The following TSHZ2 variants were observed in gnomAD, a reference collection of about 807,000 sequenced individuals.
TSHZ2 encodes the protein teashirt zinc finger homeobox 2, also known as teashirt homolog 2.
A neutral mutation model predicts 74.4 loss-of-function variants in TSHZ2; 21 were observed. That is an observed-to-expected ratio of 0.28 (90% CI 0.20 to 0.41). TSHZ2 has a LOEUF of 0.41. Ranked by LOEUF, TSHZ2 falls within the 10% of genes least tolerant of loss-of-function variation. The pLI, the probability that TSHZ2 is intolerant of heterozygous loss-of-function variation, is 1.00. For missense variants in TSHZ2, 1,244 were observed against 1,293.5 expected (o/e 0.96, Z 0.59); for synonymous variants, 540 against 515.3 (o/e 1.05, Z -0.65).
At chr20:53,231,132 A>G (rs1360167903) in intron 1 of TSHZ2, among the ~76,000 whole-genome samples, 1 of 152,122 alleles carries the variant, frequency 6.6e-6, no homozygotes, top group African/African-American at 2.4e-5. Context: ...GAAGAAGCTT[A>G]TTTTCTGCAA....
At chr20:53,092,064 C>T (rs1276157996) in intron 1 of TSHZ2, among the ~76,000 whole-genome samples, 2 of 151,926 alleles carry the variant, frequency 1.3e-5, no homozygotes, top group Non-Finnish European at 2.9e-5. Context: ...AACAACAAAA[C>T]CGATGCTTTT....
chr20:52,998,650 T>C (rs1210116799), intron 1 of TSHZ2, among the ~76,000 whole-genome samples: 1 of 152,196 alleles, frequency 6.6e-6, no homozygotes, highest in Non-Finnish European at 1.5e-5. Flanking sequence ...TACAATTCTA[T>C]GATTCTTGGT....
rs1442071092 is a variant in TSHZ2, at chr20:53,373,175, G to T, written c.*9-113969G>T. On this transcript the variant is annotated intron_variant, in intron 2 of 2. Coordinates refer to ENST00000371497, the MANE Select transcript of TSHZ2 (RefSeq NM_173485.6). The stretch of plus-strand genomic sequence containing the variant: ...AAAAATAAGGAGATTAGATAATGAC[G>T]CAATTAGAGTCCATTTCTATGGTTT... 3.9e-5 allele frequency among the ~76,000 whole-genome samples: 6 copies of T among 152,142 alleles called. No homozygotes were observed. The East Asian group carries it at 7.7e-4, about 20-fold the overall frequency.
At chr20:53,434,927 T>G (rs1983989946) in intron 2 of TSHZ2, among the ~76,000 whole-genome samples, 1 of 152,246 alleles carries the variant, frequency 6.6e-6, no homozygotes. Context: ...CTGGTCTGCC[T>G]AAATCCACTC....
At chr20:53,343,659 A>T (rs949339151) in intron 2 of TSHZ2, among the ~76,000 whole-genome samples, 1 of 152,182 alleles carries the variant, frequency 6.6e-6, no homozygotes, top group Admixed American at 6.5e-5. Context: ...ACTGACAAGG[A>T]AGCTGGAAGG....
rs184862730 is a variant in TSHZ2, at chr20:53,341,496, T to C, written c.*8+84925T>C. Among the ~76,000 whole-genome samples the C allele has an allele frequency of 2.6e-5, 4 of 152,126 alleles. No homozygotes were observed. In the East Asian group the frequency reaches 5.8e-4, roughly 22 times the overall value. Reference sequence around the variant, plus strand: ...CTCTTTCTGTCTTTTTTCTTTATTTTTTTTTTTAATAGAGATGGGGTCCTT... The same window carrying C: ...CTCTTTCTGTCTTTTTTCTTTATTTCTTTTTTTAATAGAGATGGGGTCCTT... On this transcript the variant is annotated intron_variant, in intron 2 of 2. Transcript: ENST00000371497.
intron 1 of TSHZ2, among the ~76,000 whole-genome samples, chr20:53,230,292 A>G (rs893273536): frequency 4.6e-5 from 7 of 152,214 alleles, no homozygotes; most frequent in African/African-American, 1.4e-4. Context: ...TTATGATTGG[A>G]TCATTTCCCC....
intron 1 of TSHZ2, among the ~76,000 whole-genome samples, chr20:53,004,348 A>C (rs1032973465): frequency 5.3e-5 from 8 of 152,164 alleles, no homozygotes; most frequent in African/African-American, 1.9e-4. Context: ...AGTGAAGACA[A>C]ACTGATTCCC....
At chr20:53,458,938 C>A (rs372721745) in intron 2 of TSHZ2, among the ~76,000 whole-genome samples, 1 of 152,090 alleles carries the variant, frequency 6.6e-6, no homozygotes, top group Non-Finnish European at 1.5e-5. Context: ...TAGTTTGTTA[C>A]AATTTCTGTT....
chr20:53,327,436 C>T (rs1600812419), intron 2 of TSHZ2, among the ~76,000 whole-genome samples: 1 of 152,212 alleles, frequency 6.6e-6, no homozygotes, highest in Middle Eastern at 3.4e-3. Context: ...TTGCAGTGAG[C>T]CAAAATGGCG....
At position 53,433,562 on chromosome 20, in the gene TSHZ2, AACACAGAC is replaced by A. The variant is rs1192720657; in HGVS notation, c.*9-53560_*9-53553del. ...TCTATAAAAAGAAGCAGAACAAACC[AACACAGAC>A]ACACAGACACACAGACACACACACA... On this transcript the variant is annotated intron_variant, in intron 2 of 2. Transcript: ENST00000371497. Among the ~76,000 whole-genome samples, 606 of 113,346 alleles carry A rather than the reference AACACAGAC, an allele frequency of 5.3e-3. 4 individuals carry two copies. The highest frequency in any genetic ancestry group is 0.018 in the African/African-American group (529 of 29,218). 74.4% of individuals were successfully genotyped at this position (113,346 alleles called of 152,430 possible).
intron 1 of TSHZ2, among the ~76,000 whole-genome samples, chr20:53,247,613 C>T (rs1990237430): frequency 6.6e-6 from 1 of 152,212 alleles, no homozygotes; most frequent in South Asian, 2.1e-4. Context: ...AGCTCTCATT[C>T]CGAGTCATCA....
At chr20:53,388,597 T>C (rs913620485) in intron 2 of TSHZ2, among the ~76,000 whole-genome samples, 1 of 151,356 alleles carries the variant, frequency 6.6e-6, no homozygotes, top group Non-Finnish European at 1.5e-5. Context: ...TTCTTTCTTT[T>C]TTTTTTTTTT....
At chr20:53,066,786 G>A (rs960138145) in intron 1 of TSHZ2, among the ~76,000 whole-genome samples, 6 of 152,296 alleles carry the variant, frequency 3.9e-5, no homozygotes, top group South Asian at 2.1e-4. Context: ...GATTACAGGC[G>A]TGAGCCACCA....
At position 53,494,620 on chromosome 20, in the gene TSHZ2, T is replaced by A. The variant is rs1442311046; in HGVS notation, c.*7485T>A. 1 of 151,502 alleles carries A rather than the reference T, an allele frequency of 6.6e-6. No individual in the cohort carries two copies. Among genetic ancestry groups the A allele is most frequent in the Admixed American group, 6.6e-5 (1 of 15,152 alleles). 9.4% of individuals were successfully genotyped at this position (151,502 alleles called of 1,614,324 possible). On this transcript the variant is annotated 3_prime_UTR_variant, in exon 3 of 3. Transcript: ENST00000371497. The stretch of plus-strand genomic sequence containing the variant: ...TAAATTATATCACAAAAGCCATTAT[T>A]TTTTGCATCCAAAGAGTTTTTTTTT...
intron 1 of TSHZ2, among the ~76,000 whole-genome samples, chr20:53,010,903 A>C (rs1271806289): frequency 6.6e-6 from 1 of 152,160 alleles, no homozygotes; most frequent in African/African-American, 2.4e-5. Context: ...GAAAAATTTT[A>C]TTTTGTAGAG....
chr20:53,404,877 A>T (rs1451279862), intron 2 of TSHZ2, among the ~76,000 whole-genome samples: 1 of 144,852 alleles, frequency 6.9e-6, no homozygotes, highest in African/African-American at 2.4e-5. Context: ...TTTGTTTAAA[A>T]GACTTAAACA....
chr20:53,446,945 G>C (rs1984576181), intron 2 of TSHZ2, among the ~76,000 whole-genome samples: 1 of 152,080 alleles, frequency 6.6e-6, no homozygotes, highest in African/African-American at 2.4e-5. Context: ...TCCCCTCTAG[G>C]GCTGGACCCC....
chr20:53,441,007 T>G (rs1984291943), intron 2 of TSHZ2, among the ~76,000 whole-genome samples: 1 of 152,060 alleles, frequency 6.6e-6, no homozygotes. Context: ...TGGTGATGAG[T>G]GCTGCAATAA....
Sources: allele counts gnomAD v4.1 joint callset (sites outside exome capture counted in the v4.1 genomes callset), GRCh38; gene constraint gnomAD v4.1.1; transcripts MANE v1.5; gene names NCBI Gene and HGNC (gene_info 2026-07-23, HGNC 2026-07-21).